WDR17: variants seen among roughly 807,000 people sequenced by gnomAD.
WDR17 encodes the protein WD repeat domain 17.
A neutral mutation model predicts 161.7 loss-of-function variants in WDR17; 143 were observed. That is an observed-to-expected ratio of 0.88 (90% CI 0.77 to 1.02). The LOEUF (loss-of-function observed/expected upper bound fraction) is 1.02, where lower values mean the gene tolerates loss of function less well. WDR17 is among the 50% of genes least tolerant of loss of function. WDR17 has a pLI of 0.00. For missense variants in WDR17, 1,469 were observed against 1,520.9 expected (o/e 0.97, Z 0.57); for synonymous variants, 517 against 515.6 (o/e 1.00, Z -0.04).
At chr4:176,130,540 C>T (rs545087597) in intron 6 of WDR17, among the ~76,000 whole-genome samples, 57 of 152,042 alleles carry the variant, frequency 3.7e-4, no homozygotes, top group South Asian at 1.0e-3. Context: ...GTCAGGAGAT[C>T]GAGACCATCC....
At chr4:176,163,833 G>A (rs1258615615) in intron 22 of WDR17, among the ~76,000 whole-genome samples, 1 of 152,178 alleles carries the variant, frequency 6.6e-6, no homozygotes, top group African/African-American at 2.4e-5. Context: ...TATCTGCAGA[G>A]CCCTGGCCTT....
At chr4:176,164,719 TA>T (rs1279920216) in intron 22 of WDR17, among the ~76,000 whole-genome samples, 4 of 152,196 alleles carry the variant, frequency 2.6e-5, no homozygotes, top group Non-Finnish European at 5.9e-5. Context: ...GAAGGTTTTA[TA>T]GTGAATCAGG....
intron 9 of WDR17, among the ~76,000 whole-genome samples, chr4:176,139,591 A>G (rs1744933815): frequency 6.6e-6 from 1 of 152,124 alleles, no homozygotes; most frequent in African/African-American, 2.4e-5. Context: ...GCAGAGCTTA[A>G]TTCTACAGAT....
intron 1 of WDR17, among the ~76,000 whole-genome samples, chr4:176,076,788 G>A (rs950952144): frequency 6.6e-6 from 1 of 151,624 alleles, no homozygotes; most frequent in African/African-American, 2.4e-5. Context: ...AATGAGAGGC[G>A]GCCCATATAG....
chr4:176,121,199 T>C (rs1741527614), intron 4 of WDR17, among the ~76,000 whole-genome samples: 1 of 152,194 alleles, frequency 6.6e-6, no homozygotes, highest in African/African-American at 2.4e-5. Context: ...TCTGGATTTG[T>C]TGTACCAAGC....
chr4:176,111,497 G>A lies in WDR17; in HGVS notation c.-6-78G>A, dbSNP rs147021052. 1.2e-3 allele frequency: 1,869 copies of A among 1,498,662 alleles called. 21 individuals carry two copies. The African/African-American group carries it at 0.021, about 17-fold the overall frequency. 92.8% of individuals were successfully genotyped at this position (1,498,662 alleles called of 1,614,324 possible). A position where few individuals can be genotyped will look rare whatever the true frequency, so the allele number is the denominator to read the frequency against. ...TTTCAGGGCACACAGGTAAGGGTTG[G>A]GGAAGATAGATGTAAAACAATGAGG... On this transcript the variant is annotated intron_variant, in intron 1 of 28. Transcript: ENST00000508596.
intron 1 of WDR17, among the ~76,000 whole-genome samples, chr4:176,107,592 T>C (rs1738960029): frequency 6.6e-6 from 1 of 151,652 alleles, no homozygotes; most frequent in African/African-American, 2.4e-5. Context: ...TGGAATATTA[T>C]TCAGCTTTAA....
At chr4:176,078,606 C>T (rs1734352619) in intron 1 of WDR17, among the ~76,000 whole-genome samples, 1 of 152,036 alleles carries the variant, frequency 6.6e-6, no homozygotes, top group Non-Finnish European at 1.5e-5. Flanking sequence ...AACTTTGAAT[C>T]TTGAAACTTG....
chr4:176,093,322 A>G (rs1225706582), intron 1 of WDR17, among the ~76,000 whole-genome samples: 3 of 152,078 alleles, frequency 2.0e-5, no homozygotes, highest in Admixed American at 6.6e-5. Flanking sequence ...TCTTCACAGA[A>G]ATAGAAATAA....
At chr4:176,128,617 A>G in intron 5 of WDR17, 121 bp from the exon 6 acceptor site, 1 of 950,706 alleles carries the variant, frequency 1.1e-6, no homozygotes, top group South Asian at 1.6e-5. Flanking sequence ...ATTGTTGTTA[A>G]AAGGATGTCA....
intron 8 of WDR17, among the ~76,000 whole-genome samples, chr4:176,136,726 A>G (rs890596250): frequency 6.6e-6 from 1 of 151,254 alleles, no homozygotes; most frequent in African/African-American, 2.4e-5. Flanking sequence ...AAAGAAAAAA[A>G]ATGCAAATAA....
chr4:176,131,872 G>C, intron 7 of WDR17, 134 bp downstream of exon 7: 1 of 698,394 alleles, frequency 1.4e-6, no homozygotes, highest in Non-Finnish European at 2.1e-6. Flanking sequence ...ATTGTAGCTG[G>C]TTGAAACATT....
At chr4:176,120,881 A>G (rs937613869) in intron 4 of WDR17, among the ~76,000 whole-genome samples, 1 of 152,106 alleles carries the variant, frequency 6.6e-6, no homozygotes, top group African/African-American at 2.4e-5. Context: ...ATTGAAATTG[A>G]ACAAATGAAA....
chr4:176,166,526 C>CA (rs1561208668), intron 22 of WDR17, among the ~76,000 whole-genome samples: 1 of 152,000 alleles, frequency 6.6e-6, no homozygotes, highest in South Asian at 2.1e-4. Context: ...ACTGAACTCT[C>CA]AAAAAAGAGT....
At chr4:176,075,211 G>T (rs1733810904) in intron 1 of WDR17, among the ~76,000 whole-genome samples, 1 of 151,368 alleles carries the variant, frequency 6.6e-6, no homozygotes, top group African/African-American at 2.4e-5. Context: ...AAAAATTCAA[G>T]ATTTTGTTTC....
intron 1 of WDR17, among the ~76,000 whole-genome samples, chr4:176,106,816 T>C (rs899907190): frequency 2.0e-5 from 3 of 152,132 alleles, no homozygotes; most frequent in African/African-American, 7.2e-5. Context: ...CCAGGCATGA[T>C]GGCGCATGCC....
At chr4:176,153,731 C>T (rs887006060) in intron 17 of WDR17, among the ~76,000 whole-genome samples, 1 of 152,138 alleles carries the variant, frequency 6.6e-6, no homozygotes, top group Admixed American at 6.6e-5. Context: ...AATATGGTTA[C>T]ATTAAAATAA....
chr4:176,065,889 C>T lies in WDR17; in HGVS notation c.-197C>T, dbSNP rs1732454775. ...CGCGGCGCCTTCCATCGTGGCTCCG[C>T]GCTGGGGCTTGCGGAGCACGCTTCC... On this transcript the variant is annotated 5_prime_UTR_variant, in exon 1 of 29. Coordinates refer to ENST00000508596, the MANE Select transcript of WDR17 (RefSeq NM_181265.4). The T allele has an allele frequency of 6.6e-6, 1 of 152,148 alleles. No homozygotes were observed. Among genetic ancestry groups the T allele is most frequent in the Non-Finnish European group, 1.5e-5 (1 of 68,062 alleles). The allele number at this position is 152,148 out of a possible 1,614,324, so 9.4% of individuals were successfully genotyped here.
intron 4 of WDR17, 26 bp from the exon 5 acceptor site, chr4:176,125,078 A>G (rs760659178): frequency 6.2e-7 from 1 of 1,604,942 alleles, no homozygotes. Flanking sequence ...AGTTTTTTGG[A>G]AATAATTATC....
Sources: allele counts gnomAD v4.1 joint callset (sites outside exome capture counted in the v4.1 genomes callset), GRCh38; gene constraint gnomAD v4.1.1; transcripts MANE v1.5; gene names NCBI Gene and HGNC (gene_info 2026-07-23, HGNC 2026-07-21).